The following ABL1 variants were observed in gnomAD, a reference collection of about 807,000 sequenced individuals.
ABL1 encodes ABL proto-oncogene 1, non-receptor tyrosine kinase, also known as tyrosine-protein kinase ABL1.
In ABL1, 11 loss-of-function variants were observed where a neutral mutation model predicts 94.7. That is an observed-to-expected ratio of 0.12 (90% CI 0.07 to 0.19). The LOEUF (loss-of-function observed/expected upper bound fraction) is 0.19, where lower values mean the gene tolerates loss of function less well. Ranked by LOEUF, ABL1 falls within the 10% of genes least tolerant of loss-of-function variation. ABL1 has a pLI of 1.00. For synonymous variants in ABL1, 656 were observed against 622.4 expected (o/e 1.05, Z -0.80); for missense variants, 1,082 against 1,489.4 (o/e 0.73, Z 4.50).
At chr9:130,797,080 A>G (rs1343087084) in intron 1 of ABL1, among the ~76,000 whole-genome samples, 1 of 150,426 alleles carries the variant, frequency 6.6e-6, no homozygotes, top group Admixed American at 6.6e-5. Flanking sequence ...TACTAAAACT[A>G]CAAAAATTAG....
chr9:130,842,520 C>G (rs1288600595), intron 1 of ABL1, among the ~76,000 whole-genome samples: 1 of 152,132 alleles, frequency 6.6e-6, no homozygotes, highest in African/African-American at 2.4e-5. Flanking sequence ...TTAGGCATTG[C>G]TTTTTGAAGC....
At chr9:130,874,026 G>C (rs191679180) in intron 6 of ABL1, among the ~76,000 whole-genome samples, 1 of 152,192 alleles carries the variant, frequency 6.6e-6, no homozygotes, top group Non-Finnish European at 1.5e-5. Flanking sequence ...GGCCGGGTCC[G>C]TTCCTTCTTC....
In ABL1 at chr9:130,880,015, C is replaced by T. The variant is rs377388408; in HGVS notation, c.1424-53C>T. The T allele has an allele frequency of 1.3e-4, 195 of 1,506,134 alleles. No homozygotes were observed. Among genetic ancestry groups the T allele is most frequent in the Non-Finnish European group, 1.5e-4 (161 of 1,081,684 alleles). The allele number at this position is 1,506,134 out of a possible 1,614,324, so 93.3% of individuals were successfully genotyped here. ...ACTTTTCCTTGAGAACTGCTAGCCCCGTATTGCTAGCCAGATCTCATGGAT... is the reference window on the plus strand; with the variant it reads ...ACTTTTCCTTGAGAACTGCTAGCCCTGTATTGCTAGCCAGATCTCATGGAT... On this transcript the variant is annotated intron_variant, in intron 8 of 10. Coordinates refer to ENST00000318560, the MANE Select transcript of ABL1 (RefSeq NM_005157.6). The surrounding 1 kb of genome is among the most constrained non-coding windows in gnomAD (Gnocchi z 4.4).
intron 1 of ABL1, among the ~76,000 whole-genome samples, chr9:130,826,910 C>G (rs1372603448): frequency 3.9e-5 from 6 of 152,148 alleles, no homozygotes; most frequent in African/African-American, 1.2e-4. Context: ...AACACCATCT[C>G]TACTAAAAAT....
chr9:130,850,229 G>T (rs1009333517), intron 1 of ABL1, among the ~76,000 whole-genome samples: 5 of 152,220 alleles, frequency 3.3e-5, no homozygotes, highest in Non-Finnish European at 7.3e-5. Context: ...TGTGAAAAGA[G>T]AATTGTTTCT....
chr9:130,752,932 C>T (rs1351390499), intron 1 of ABL1, among the ~76,000 whole-genome samples: 1 of 144,896 alleles, frequency 6.9e-6, no homozygotes, highest in East Asian at 2.1e-4. Flanking sequence ...GCACTCCAGC[C>T]TGGGTTACAA....
At chr9:130,808,864 A>G (rs962736683) in intron 1 of ABL1, among the ~76,000 whole-genome samples, 1 of 152,240 alleles carries the variant, frequency 6.6e-6, no homozygotes, top group Non-Finnish European at 1.5e-5. Context: ...GTCACCTGAA[A>G]CAACTGTAAA....
chr9:130,817,247 A>C (rs1830298920), intron 1 of ABL1, among the ~76,000 whole-genome samples: 1 of 152,262 alleles, frequency 6.6e-6, no homozygotes, highest in African/African-American at 2.4e-5. Context: ...ATTTATTCAA[A>C]GACCTGTGCT....
intron 1 of ABL1, among the ~76,000 whole-genome samples, chr9:130,796,776 A>C (rs1034516991): frequency 4.0e-5 from 6 of 151,548 alleles, no homozygotes; most frequent in Non-Finnish European, 7.4e-5. Flanking sequence ...TAAAAAAAAA[A>C]CAAAAAAACT....
intron 1 of ABL1, among the ~76,000 whole-genome samples, chr9:130,759,646 G>A (rs1832085480): frequency 6.6e-6 from 1 of 150,622 alleles, no homozygotes; most frequent in Admixed American, 6.6e-5. Context: ...TTCCAACAGT[G>A]TAAAAACTGT....
upstream of ABL1, among the ~76,000 whole-genome samples, chr9:130,831,218 AC>A (rs1830491305): frequency 6.6e-6 from 1 of 152,120 alleles, no homozygotes; most frequent in African/African-American, 2.4e-5. Flanking sequence ...GGTCAGCCAG[AC>A]CTGGGGTCAC....
At chr9:130,732,777 GT>G (rs35211032) in intron 1 of ABL1, among the ~76,000 whole-genome samples, 74,842 of 146,448 alleles carry the variant, frequency 0.51, 19,958 homozygotes, top group African/African-American at 0.69. Context: ...TAGGCACAGT[GT>G]TTTTTTTTTT....
chr9:130,779,847 G>T (rs184554798), intron 1 of ABL1, among the ~76,000 whole-genome samples: 6 of 152,084 alleles, frequency 3.9e-5, no homozygotes, highest in East Asian at 1.9e-4. Flanking sequence ...GGGATACTGC[G>T]GGCAAACCTG....
At chr9:130,852,259 A>C (rs1261230561) in intron 1 of ABL1, among the ~76,000 whole-genome samples, 1 of 152,000 alleles carries the variant, frequency 6.6e-6, no homozygotes, top group Non-Finnish European at 1.5e-5. Context: ...ACGAGATCTC[A>C]GCTCACTGCA....
intron 1 of ABL1, among the ~76,000 whole-genome samples, chr9:130,723,699 C>T (rs1279549057): frequency 1.3e-5 from 2 of 152,168 alleles, no homozygotes; most frequent in Non-Finnish European, 2.9e-5. Context: ...TTCTGCAACA[C>T]AAATGAATAC....
At chr9:130,759,528 C>T (rs1832083796) in intron 1 of ABL1, among the ~76,000 whole-genome samples, 1 of 152,142 alleles carries the variant, frequency 6.6e-6, no homozygotes, top group South Asian at 2.1e-4. Flanking sequence ...ACATAAACAG[C>T]AAGGAATAAG....
intron 1 of ABL1, among the ~76,000 whole-genome samples, chr9:130,721,364 C>G (rs1336786524): frequency 6.6e-6 from 1 of 151,806 alleles, no homozygotes; most frequent in East Asian, 1.9e-4. Context: ...GGTGACAGAG[C>G]AAGGCTCTGT....
In ABL1 at chr9:130,835,372, C is replaced by A; in HGVS notation, c.-75C>A. The A allele has an allele frequency of 1.1e-6, 1 of 917,566 alleles. No homozygotes were observed. Among genetic ancestry groups the A allele is most frequent in the Non-Finnish European group, 1.4e-6 (1 of 728,168 alleles). 56.8% of individuals were successfully genotyped at this position (917,566 alleles called of 1,614,324 possible). On this transcript the variant is annotated 5_prime_UTR_variant, in exon 1 of 11. Coordinates refer to ENST00000318560, the MANE Select transcript of ABL1 (RefSeq NM_005157.6). The surrounding 1 kb of genome is among the most constrained non-coding windows in gnomAD (Gnocchi z 4.6). Reference sequence around the variant, plus strand: ...GGGGGCGCCGGGGGGGCGCGCGGGCCGAGCCGGGCCTGAGCCGGGCCCGCG... The same window carrying A: ...GGGGGCGCCGGGGGGGCGCGCGGGCAGAGCCGGGCCTGAGCCGGGCCCGCG...
chr9:130,860,094 C>T (rs1368628008), intron 3 of ABL1, among the ~76,000 whole-genome samples: 2 of 152,106 alleles, frequency 1.3e-5, no homozygotes, highest in Non-Finnish European at 2.9e-5. Flanking sequence ...AGGTGCATAG[C>T]GTAATGACAT....
Sources: allele counts gnomAD v4.1 joint callset (sites outside exome capture counted in the v4.1 genomes callset), GRCh38; gene constraint gnomAD v4.1.1; non-coding constraint Gnocchi (gnomAD v3.1); transcripts MANE v1.5; gene names NCBI Gene and HGNC (gene_info 2026-07-23, HGNC 2026-07-21).